The following TBC1D9 variants were observed in gnomAD, a reference collection of about 807,000 sequenced individuals.
TBC1D9 encodes the protein TBC1 domain family member 9A.
Under a neutral mutation model 132.0 loss-of-function variants are expected in TBC1D9, and 63 were observed. The ratio of observed to expected loss-of-function variants is 0.48; its 90% CI spans 0.39 to 0.59. TBC1D9 has a LOEUF of 0.59. TBC1D9 is among the 20% of genes least tolerant of loss of function. The pLI, the probability that TBC1D9 is intolerant of heterozygous loss-of-function variation, is 0.00. For synonymous variants in TBC1D9, 610 were observed against 609.9 expected (o/e 1.00, Z 0.00); for missense variants, 1,261 against 1,592.7 (o/e 0.79, Z 3.54).
chr4:140,627,390 A>T, intron 18 of TBC1D9, 51 bp downstream of exon 18: 1 of 1,172,748 alleles, frequency 8.5e-7, no homozygotes. Context: ...CCAATAATGG[A>T]GGGCTCGGTA....
At chr4:140,686,137 A>AT (rs1271403200) in intron 3 of TBC1D9, among the ~76,000 whole-genome samples, 1 of 152,220 alleles carries the variant, frequency 6.6e-6, no homozygotes, top group Non-Finnish European at 1.5e-5. Context: ...AAGAAAAAAA[A>AT]GGAATAGCCC....
intron 1 of TBC1D9, among the ~76,000 whole-genome samples, chr4:140,731,279 C>T (rs1738585710): frequency 6.6e-6 from 1 of 152,164 alleles, no homozygotes; most frequent in Non-Finnish European, 1.5e-5. Flanking sequence ...GTAAGGCACT[C>T]AGCACAGTGC....
At chr4:140,643,406 G>GTTCATA in intron 13 of TBC1D9, 1 of 1,100,834 alleles carries the variant, frequency 9.1e-7, no homozygotes, top group Non-Finnish European at 1.4e-6. Context: ...CCACCTCCAT[G>GTTCATA]CCAGCCAGTG....
At chr4:140,708,765 G>A (rs1738185228) in intron 1 of TBC1D9, among the ~76,000 whole-genome samples, 1 of 152,186 alleles carries the variant, frequency 6.6e-6, no homozygotes, top group Non-Finnish European at 1.5e-5. Context: ...AATACAGGTG[G>A]TGGCTGTTCT....
chr4:140,626,652 A>G (rs1045532126), intron 18 of TBC1D9, among the ~76,000 whole-genome samples: 35 of 152,374 alleles, frequency 2.3e-4, no homozygotes, highest in African/African-American at 8.2e-4. Flanking sequence ...TGCTAGATTA[A>G]TGTAAGACAA....
At chr4:140,742,888 C>CAGGAGGAGGAGGAGGAGG (rs78912702) in intron 1 of TBC1D9, among the ~76,000 whole-genome samples, 1 of 150,274 alleles carries the variant, frequency 6.7e-6, no homozygotes, top group Non-Finnish European at 1.5e-5. Context: ...AGAGGAGGAG[C>CAGGAGGAGGAGGAGGAGG]AGGAGGAGGA....
intron 2 of TBC1D9, among the ~76,000 whole-genome samples, chr4:140,687,288 C>A (rs1303927885): frequency 8.2e-6 from 1 of 121,294 alleles, no homozygotes; most frequent in East Asian, 2.7e-4. Context: ...ATAATTTGTC[C>A]GTATATCATA....
At chr4:140,705,112 T>C (rs147353300) in intron 1 of TBC1D9, among the ~76,000 whole-genome samples, 1 of 152,350 alleles carries the variant, frequency 6.6e-6, no homozygotes, top group Admixed American at 6.5e-5. Flanking sequence ...AATTGAGGTA[T>C]GCAGTTGGCC....
chr4:140,666,391 A>G (rs1378615116), intron 9 of TBC1D9, among the ~76,000 whole-genome samples: 3 of 152,192 alleles, frequency 2.0e-5, no homozygotes, highest in African/African-American at 7.2e-5. Flanking sequence ...GCCGGAGTGC[A>G]GTGGCGCTAT....
chr4:140,690,765 C>G (rs971066338), intron 2 of TBC1D9, among the ~76,000 whole-genome samples: 1 of 151,956 alleles, frequency 6.6e-6, no homozygotes, highest in Non-Finnish European at 1.5e-5. Context: ...AGCAGGAACT[C>G]TAAAAGTAAA....
At position 140,662,230 on chromosome 4, in the gene TBC1D9, G is replaced by C; in HGVS notation, c.1589-123C>G. On this transcript the variant is annotated intron_variant, in intron 9 of 20. Coordinates refer to ENST00000442267, the MANE Select transcript of TBC1D9 (RefSeq NM_015130.3). Reference sequence around the variant, plus strand: ...TCTCAAAGGAAACTTGCAAGAGAAGGTGAAATCACAGATGTGGTATGTTGC... The same window carrying C: ...TCTCAAAGGAAACTTGCAAGAGAAGCTGAAATCACAGATGTGGTATGTTGC... 3.6e-6 allele frequency: 3 copies of C among 842,740 alleles called. No homozygotes were observed. The Admixed American group carries it at 5.6e-5, about 16-fold the overall frequency. 52.2% of individuals were successfully genotyped at this position (842,740 alleles called of 1,614,324 possible). A position where few individuals can be genotyped will look rare whatever the true frequency, so the allele number is the denominator to read the frequency against.
intron 13 of TBC1D9, chr4:140,642,620 C>G: frequency 1.2e-6 from 1 of 805,818 alleles, no homozygotes; most frequent in African/African-American, 1.7e-5. Flanking sequence ...CTTCAGCTGA[C>G]TTATGAACTT....
rs79120585 is a variant in TBC1D9, at chr4:140,629,308, C to G, written c.2747-943G>C. Among the ~76,000 whole-genome samples, 700 of 152,276 alleles carry G rather than the reference C, an allele frequency of 4.6e-3. 4 individuals carry two copies. The highest frequency in any genetic ancestry group is 0.017 in the Middle Eastern group (5 of 294). ...GTCTCAACTTTATGAAGTCCGTGAA[C>G]CCCTCAAAATGCAAAATTTTATTTA... On this transcript the variant is annotated intron_variant, in intron 16 of 20. Transcript: ENST00000442267.
chr4:140,645,232 C>G (rs1053316765), intron 13 of TBC1D9: 31 of 533,814 alleles, frequency 5.8e-5, no homozygotes, highest in Admixed American at 5.5e-4. Flanking sequence ...TGGTGTCTGG[C>G]CCGGTGTCCA....
At chr4:140,700,451 A>C (rs1738048120) in intron 2 of TBC1D9, among the ~76,000 whole-genome samples, 1 of 150,796 alleles carries the variant, frequency 6.6e-6, no homozygotes, top group African/African-American at 2.4e-5. Flanking sequence ...CTCCGTCCCA[A>C]AAAAAAAACA....
At chr4:140,708,147 G>A (rs1560891973) in intron 1 of TBC1D9, among the ~76,000 whole-genome samples, 1 of 152,090 alleles carries the variant, frequency 6.6e-6, no homozygotes, top group Admixed American at 6.5e-5. Flanking sequence ...GGAGAAACCA[G>A]AATTATTTTA....
chr4:140,667,856 T>C (rs1737471725), intron 9 of TBC1D9, among the ~76,000 whole-genome samples: 1 of 152,270 alleles, frequency 6.6e-6, no homozygotes, highest in Non-Finnish European at 1.5e-5. Context: ...TCCCTATTTC[T>C]GAGACATTTA....
chr4:140,621,980 T>A lies in TBC1D9; in HGVS notation c.*215A>T, dbSNP rs1736621005. ...ACGAAATAAACTGTATTCTGGTAAA[T>A]CCCCTCCCCGCAACAAGAGTGTAAT... On this transcript the variant is annotated 3_prime_UTR_variant, in exon 21 of 21. Transcript: ENST00000442267. The A allele has an allele frequency of 1.8e-6, 1 of 569,516 alleles. No individual in the cohort carries two copies. The highest frequency in any genetic ancestry group is 1.9e-5 in the African/African-American group (1 of 53,024). The allele number at this position is 569,516 out of a possible 1,614,324, so 35.3% of individuals were successfully genotyped here.
intron 1 of TBC1D9, among the ~76,000 whole-genome samples, chr4:140,720,706 CT>C (rs1384945629): frequency 6.6e-6 from 1 of 152,208 alleles, no homozygotes; most frequent in Admixed American, 6.5e-5. Flanking sequence ...TCTGCTGTTG[CT>C]ATTTCTGTTA....
Sources: allele counts gnomAD v4.1 joint callset (sites outside exome capture counted in the v4.1 genomes callset), GRCh38; gene constraint gnomAD v4.1.1; transcripts MANE v1.5; gene names NCBI Gene and HGNC (gene_info 2026-07-23, HGNC 2026-07-21).